Variants in DIAPH2 observed in about 807,000 individuals in gnomAD.
DIAPH2 encodes diaphanous related formin 2, also known as protein diaphanous homolog 2.
Under a neutral mutation model 92.7 loss-of-function variants are expected in DIAPH2, and 35 were observed. The observed-to-expected ratio is 0.38, with a 90% CI of 0.29 to 0.50. The LOEUF (loss-of-function observed/expected upper bound fraction) is 0.50. DIAPH2 is among the 20% of genes least tolerant of loss of function. The probability of loss-of-function intolerance (pLI) is 0.94; values close to 1 mark genes in which losing one functional copy is unlikely to be tolerated. For synonymous variants in DIAPH2, 301 were observed against 280.4 expected (o/e 1.07, Z -0.73); for missense variants, 701 against 819.5 (o/e 0.86, Z 1.77).
intron 26 of DIAPH2, among the ~76,000 whole-genome samples, chrX:97,446,896 G>T (rs748091006): frequency 9.2e-6 from 1 of 108,560 alleles, no homozygotes; most frequent in South Asian, 4.0e-4. Flanking sequence ...GCTCAATTTC[G>T]AAGTATGGCT....
At chrX:97,189,151 C>T (rs2067630520) in intron 22 of DIAPH2, among the ~76,000 whole-genome samples, 1 of 111,419 alleles carries the variant, frequency 9.0e-6, no homozygotes, top group African/African-American at 3.3e-5. Flanking sequence ...AAGAGAAAAG[C>T]TGGGCAAATA....
chrX:96,996,637 CTTAA>C (rs1039258930), intron 17 of DIAPH2, among the ~76,000 whole-genome samples: 9 of 111,543 alleles, frequency 8.1e-5, no homozygotes, highest in Non-Finnish European at 1.5e-4. Flanking sequence ...TAAATATTGC[CTTAA>C]TTAGAGTGTG....
At chrX:97,054,363 G>T (rs1446316353) in intron 17 of DIAPH2, among the ~76,000 whole-genome samples, 1 of 111,830 alleles carries the variant, frequency 8.9e-6, no homozygotes, top group African/African-American at 3.2e-5. Context: ...CGATGATCAA[G>T]ATATTGCTGA....
intron 22 of DIAPH2, among the ~76,000 whole-genome samples, chrX:97,185,423 GTATA>G (rs1276477107): frequency 2.1e-4 from 5 of 24,380 alleles, no homozygotes; most frequent in Admixed American, 7.3e-4. Context: ...ATATATATAT[GTATA>G]TATATATGTG....
intron 26 of DIAPH2, among the ~76,000 whole-genome samples, chrX:97,503,349 C>T (rs1218185854): frequency 1.8e-5 from 2 of 112,044 alleles, no homozygotes; most frequent in African/African-American, 6.5e-5. Flanking sequence ...GCAAGGTTTA[C>T]ATGCACTTGA....
intron 26 of DIAPH2, 42 bp from the exon 27 acceptor site, chrX:97,599,209 TAA>T: frequency 1.9e-6 from 2 of 1,039,431 alleles, no homozygotes; most frequent in Admixed American, 5.0e-5. Context: ...AGCAAAGATC[TAA>T]AACTTACCAT....
At chrX:97,431,031 GA>G (rs1315417045) in intron 26 of DIAPH2, among the ~76,000 whole-genome samples, 1 of 111,639 alleles carries the variant, frequency 9.0e-6, no homozygotes, top group East Asian at 2.8e-4. Context: ...AAGACTGGAC[GA>G]AAAAAAGAAT....
chrX:96,724,935 A>G (rs755949123), intron 1 of DIAPH2, among the ~76,000 whole-genome samples: 216 of 111,578 alleles, frequency 1.9e-3, no homozygotes, highest in African/African-American at 6.6e-3. Context: ...TTATATTGCA[A>G]CTGATCAGTG....
intron 22 of DIAPH2, among the ~76,000 whole-genome samples, chrX:97,171,269 T>C (rs2067451686): frequency 8.9e-6 from 1 of 112,623 alleles, no homozygotes; most frequent in African/African-American, 3.2e-5. Flanking sequence ...TTACGGTTTA[T>C]ATGTAGCCAA....
chrX:97,493,662 T>C lies in DIAPH2; in HGVS notation c.3241+63917T>C, dbSNP rs1445771872. Among the ~76,000 whole-genome samples, 4 of 110,276 alleles carry C rather than the reference T, an allele frequency of 3.6e-5. No individual in the cohort carries two copies. In the East Asian group the frequency reaches 8.6e-4, roughly 24 times the overall value. On this transcript the variant is annotated intron_variant, in intron 26 of 26. Transcript: ENST00000324765. Reference sequence around the variant, plus strand: ...GGGAGGCCAAGGCAGGTGGATCACTTGAGGTCAGGAGATCGAGACCAGCCT... The same window carrying C: ...GGGAGGCCAAGGCAGGTGGATCACTCGAGGTCAGGAGATCGAGACCAGCCT...
intron 22 of DIAPH2, among the ~76,000 whole-genome samples, chrX:97,198,265 T>TACAC (rs200339851): frequency 0.032 from 2,861 of 88,987 alleles, 55 homozygotes; most frequent in Middle Eastern, 0.048. Flanking sequence ...AACAACAAAA[T>TACAC]ACACACACAC....
chrX:97,517,084 G>T (rs1341911108), intron 26 of DIAPH2, among the ~76,000 whole-genome samples: 2 of 111,838 alleles, frequency 1.8e-5, no homozygotes, highest in Admixed American at 9.5e-5. Context: ...TAGTGATGGA[G>T]TCCATAGTGA....
chrX:97,144,576 A>T lies in DIAPH2; in HGVS notation c.2719+2782A>T, dbSNP rs976433660. On this transcript the variant is annotated intron_variant, in intron 22 of 26. Transcript: ENST00000324765. ...AAGTATACAAATATTATGTATCAAT[A>T]AAAAACTTAAGAATATATAGATATT... 5.7e-5 allele frequency among the ~76,000 whole-genome samples: 6 copies of T among 104,667 alleles called. No individual in the cohort carries two copies. In the East Asian group the frequency reaches 1.5e-3, roughly 26 times the overall value. The allele number at this position is 104,667 out of a possible 115,157, so 90.9% of individuals were successfully genotyped here.
intron 24 of DIAPH2, among the ~76,000 whole-genome samples, chrX:97,358,851 T>C (rs1363799105): frequency 3.6e-5 from 4 of 112,186 alleles, no homozygotes; most frequent in African/African-American, 1.3e-4. Context: ...TTCCTATGCA[T>C]GTACATAAGT....
chrX:96,900,019 C>G (rs1389737451), intron 5 of DIAPH2, among the ~76,000 whole-genome samples: 17 of 111,289 alleles, frequency 1.5e-4, no homozygotes, highest in Admixed American at 1.2e-3. Flanking sequence ...TTTATATGCT[C>G]GATTACATTT....
chrX:96,908,928 G>A lies in DIAPH2; in HGVS notation c.588-3400G>A, dbSNP rs192875702. On this transcript the variant is annotated intron_variant, in intron 5 of 26. Coordinates refer to ENST00000324765, the MANE Select transcript of DIAPH2 (RefSeq NM_006729.5). ...ACTGGATTCCTGATCTGTGTTCTGC[G>A]GCACTGGGAGGGCACAGTATGGTTG... Among the ~76,000 whole-genome samples the A allele has an allele frequency of 8.1e-5, 9 of 111,534 alleles. No homozygotes were observed. The East Asian group carries it at 2.6e-3, about 32-fold the overall frequency.
intron 19 of DIAPH2, among the ~76,000 whole-genome samples, chrX:97,095,953 AC>A (rs1191689602): frequency 1.8e-5 from 2 of 111,781 alleles, no homozygotes; most frequent in East Asian, 5.6e-4. Flanking sequence ...CTAGGATAAA[AC>A]CTTCATACTT....
intron 3 of DIAPH2, among the ~76,000 whole-genome samples, chrX:96,754,684 G>A (rs1396304751): frequency 9.1e-6 from 1 of 109,887 alleles, no homozygotes; most frequent in Non-Finnish European, 1.9e-5. Context: ...CAGCACTTTG[G>A]GAGGCCGAGG....
At chrX:96,884,466 C>T (rs1312233209) in intron 5 of DIAPH2, 1 of 1,211,465 alleles carries the variant, frequency 8.3e-7, no homozygotes, top group Admixed American at 2.2e-5. Flanking sequence ...GTAATGTGAA[C>T]CAGCTTCTCA....
Sources: gnomAD v4.1 joint callset for allele counts (sites outside exome capture counted in the v4.1 genomes callset) on GRCh38, gnomAD v4.1.1 for gene constraint, MANE v1.5 for transcripts, NCBI Gene and HGNC (gene_info 2026-07-23, HGNC 2026-07-21) for gene names.